The following PDGFD variants were observed in gnomAD, a reference collection of about 807,000 sequenced individuals.
PDGFD encodes platelet derived growth factor D, also known as platelet-derived growth factor D.
A neutral mutation model predicts 44.7 loss-of-function variants in PDGFD; 30 were observed. The ratio of observed to expected loss-of-function variants is 0.67; its 90% CI spans 0.50 to 0.91. The LOEUF is 0.91. Among genes scored for constraint, PDGFD ranks in the 40% least tolerant of loss-of-function variants. PDGFD has a pLI of 0.00. For synonymous variants in PDGFD, 173 were observed against 168.4 expected, an observed-to-expected ratio of 1.03 and a Z score of -0.21; for missense variants, 445 against 457.8, an observed-to-expected ratio of 0.97 and a Z score of 0.25.
intron 3 of PDGFD, among the ~76,000 whole-genome samples, chr11:103,959,597 A>T (rs1858906448): frequency 6.6e-6 from 1 of 152,206 alleles, no homozygotes; most frequent in African/African-American, 2.4e-5. Context: ...CAGGCTTGCT[A>T]TCTGGGCCCA....
At chr11:104,075,513 A>G (rs182535899) in intron 1 of PDGFD, among the ~76,000 whole-genome samples, 1 of 152,008 alleles carries the variant, frequency 6.6e-6, no homozygotes, top group African/African-American at 2.4e-5. Flanking sequence ...TTTATTTTAG[A>G]GTTGGGGTCT....
At chr11:103,985,937 T>C (rs1184900037) in intron 3 of PDGFD, among the ~76,000 whole-genome samples, 1 of 152,152 alleles carries the variant, frequency 6.6e-6, no homozygotes, top group Non-Finnish European at 1.5e-5. Context: ...ACTTGATTAT[T>C]TATTCATGTA....
intron 1 of PDGFD, among the ~76,000 whole-genome samples, chr11:104,113,098 T>C (rs912767118): frequency 4.6e-5 from 7 of 152,138 alleles, no homozygotes; most frequent in East Asian, 1.9e-4. Context: ...TGGGCTGGCA[T>C]TGATATTTTT....
chr11:104,161,465 G>A (rs1232717594), intron 1 of PDGFD, among the ~76,000 whole-genome samples: 3 of 152,178 alleles, frequency 2.0e-5, no homozygotes, highest in Admixed American at 6.5e-5. Context: ...GATTTCCCAA[G>A]TGTTGTCTAG....
intron 3 of PDGFD, among the ~76,000 whole-genome samples, chr11:103,963,509 G>A (rs895703850): frequency 6.6e-6 from 1 of 151,958 alleles, no homozygotes; most frequent in African/African-American, 2.4e-5. Flanking sequence ...AATTATCTAC[G>A]ATATCGTTCG....
At chr11:104,033,130 CAGA>C (rs1860156052) in intron 1 of PDGFD, among the ~76,000 whole-genome samples, 2 of 151,260 alleles carry the variant, frequency 1.3e-5, no homozygotes, top group African/African-American at 4.9e-5. Flanking sequence ...ATTATACAGT[CAGA>C]AGAGGTTTTC....
intron 1 of PDGFD, among the ~76,000 whole-genome samples, chr11:104,094,250 C>T (rs1861251488): frequency 6.6e-6 from 1 of 151,992 alleles, no homozygotes; most frequent in Admixed American, 6.6e-5. Context: ...CCTCCTCCTA[C>T]CCTCCTTCAG....
intron 1 of PDGFD, among the ~76,000 whole-genome samples, chr11:104,154,940 C>T (rs1401854031): frequency 1.3e-5 from 2 of 152,144 alleles, no homozygotes; most frequent in Non-Finnish European, 2.9e-5. Flanking sequence ...TGCATCTGCT[C>T]CAAGCTATTA....
intron 1 of PDGFD, among the ~76,000 whole-genome samples, chr11:104,017,892 A>G (rs1591123145): frequency 6.6e-6 from 1 of 152,340 alleles, no homozygotes; most frequent in Middle Eastern, 3.4e-3. Context: ...GCTGTTTTGT[A>G]AAGTACCATA....
intron 5 of PDGFD, among the ~76,000 whole-genome samples, chr11:103,942,781 T>C (rs1380214918): frequency 6.6e-6 from 1 of 152,110 alleles, no homozygotes; most frequent in Non-Finnish European, 1.5e-5. Context: ...AACTATCAAT[T>C]ACACAAGCAC....
chr11:104,120,636 C>T (rs1356815087), intron 1 of PDGFD, among the ~76,000 whole-genome samples: 1 of 151,896 alleles, frequency 6.6e-6, no homozygotes, highest in Non-Finnish European at 1.5e-5. Flanking sequence ...GTATTCTTCT[C>T]TCCATATGGC....
rs370841769 is a variant in PDGFD, at chr11:103,925,716, C to CATATATATATATATATATAT, written c.987+1176_987+1195dup. On this transcript the variant is annotated intron_variant, in intron 6 of 6. Transcript: ENST00000393158. The stretch of plus-strand genomic sequence containing the variant: ...ATATATATACACAGACACACACACA[C>CATATATATATATATATATAT]ATATATATATATATATATATGTAAT... Among the ~76,000 whole-genome samples the CATATATATATATATATATAT allele has an allele frequency of 2.9e-4, 36 of 122,762 alleles. 1 individual carries two copies. The highest frequency in any genetic ancestry group is 1.1e-3 in the African/African-American group (35 of 31,080). 80.5% of individuals were successfully genotyped at this position (122,762 alleles called of 152,430 possible).
intron 1 of PDGFD, among the ~76,000 whole-genome samples, chr11:104,007,541 G>C (rs1002888602): frequency 2.0e-5 from 3 of 152,192 alleles, no homozygotes; most frequent in Admixed American, 2.0e-4. Context: ...GTTGCAGGCT[G>C]TGCCATCTCA....
At chr11:104,118,887 T>C (rs1861689857) in intron 1 of PDGFD, among the ~76,000 whole-genome samples, 1 of 95,292 alleles carries the variant, frequency 1.0e-5, no homozygotes, top group African/African-American at 4.3e-5. Flanking sequence ...ACATATATAT[T>C]ATTATGTATA....
At chr11:103,984,589 T>C (rs1859324517) in intron 3 of PDGFD, among the ~76,000 whole-genome samples, 1 of 151,388 alleles carries the variant, frequency 6.6e-6, no homozygotes, top group South Asian at 2.1e-4. Context: ...TGCCAAAATA[T>C]TCATAGTAGT....
intron 1 of PDGFD, among the ~76,000 whole-genome samples, chr11:104,035,559 T>G (rs1370334280): frequency 8.8e-6 from 1 of 114,174 alleles, no homozygotes; most frequent in Non-Finnish European, 1.8e-5. Context: ...TTACTTCTTT[T>G]TCTTTTTTTT....
chr11:103,951,661 G>C (rs536845973), intron 3 of PDGFD, among the ~76,000 whole-genome samples: 15 of 152,158 alleles, frequency 9.9e-5, no homozygotes, highest in African/African-American at 3.6e-4. Context: ...TCTCCCCTCA[G>C]GTTTAATTCA....
chr11:103,995,952 A>T lies in PDGFD; in HGVS notation c.510+113T>A, dbSNP rs1270553922. On this transcript the variant is annotated intron_variant, in intron 3 of 6. Transcript: ENST00000393158. ...CCATAAGGTAGGAACAAACCATGTT[A>T]TAAGGAACTAATAAAGTTCACTCAC... is the stretch of plus-strand genomic sequence containing the variant. The T allele has an allele frequency of 3.4e-6, 3 of 890,308 alleles. No individual in the cohort carries two copies. In the African/African-American group the frequency reaches 5.1e-5, roughly 15 times the overall value. 55.2% of individuals were successfully genotyped at this position (890,308 alleles called of 1,614,324 possible).
At chr11:103,925,093 TG>T (rs1858285108) in intron 6 of PDGFD, among the ~76,000 whole-genome samples, 1 of 152,180 alleles carries the variant, frequency 6.6e-6, no homozygotes, top group Non-Finnish European at 1.5e-5. Context: ...CTGAGAATGA[TG>T]GTTTCTAGCT....
Sources: gnomAD v4.1 joint callset for allele counts (sites outside exome capture counted in the v4.1 genomes callset) on GRCh38, gnomAD v4.1.1 for gene constraint, MANE v1.5 for transcripts, NCBI Gene and HGNC (gene_info 2026-07-23, HGNC 2026-07-21) for gene names.